Variants in IRAG1 observed in about 807,000 individuals in gnomAD.
IRAG1 encodes the protein inositol 1,4,5-triphosphate receptor associated 1.
A neutral mutation model predicts 106.2 loss-of-function variants in IRAG1; 62 were observed. The ratio of observed to expected loss-of-function variants is 0.58; its 90% confidence interval spans 0.48 to 0.72. IRAG1 has a LOEUF of 0.72. IRAG1 is among the 30% of genes least tolerant of loss of function. IRAG1 has a pLI of 0.00. For missense variants in IRAG1, 1,064 were observed against 1,140.7 expected (o/e 0.93, Z 0.97); for synonymous variants, 462 against 443.9 (o/e 1.04, Z -0.51).
chr11:10,688,257 C>G (rs1861810050), intron 1 of IRAG1, among the ~76,000 whole-genome samples: 1 of 152,136 alleles, frequency 6.6e-6, no homozygotes, highest in Non-Finnish European at 1.5e-5. Flanking sequence ...CTCCAGGGTC[C>G]ACACTTTCCA....
intron 1 of IRAG1, among the ~76,000 whole-genome samples, chr11:10,688,151 A>G (rs952580610): frequency 4.0e-5 from 6 of 151,716 alleles, no homozygotes; most frequent in African/African-American, 1.5e-4. Context: ...TTGGTAAGGG[A>G]TACTGAACCC....
chr11:10,649,118 C>A (rs1473108038), intron 2 of IRAG1, among the ~76,000 whole-genome samples: 1 of 152,180 alleles, frequency 6.6e-6, no homozygotes, highest in Non-Finnish European at 1.5e-5. Context: ...GGTTCCAGCC[C>A]CCTGAAGGCT....
chr11:10,576,992 T>C (rs909689418), intron 20 of IRAG1, among the ~76,000 whole-genome samples: 5 of 152,232 alleles, frequency 3.3e-5, no homozygotes, highest in Admixed American at 2.0e-4. Context: ...CTAGCTGCAT[T>C]AATGATCAGT....
At chr11:10,587,142 A>G (rs1852101917) in intron 18 of IRAG1, among the ~76,000 whole-genome samples, 1 of 152,190 alleles carries the variant, frequency 6.6e-6, no homozygotes, top group Non-Finnish European at 1.5e-5. Context: ...GATTCATGAA[A>G]ATGAGGCTCA....
rs1853931927 is a variant in IRAG1, at chr11:10,600,950, T to C, written c.1985A>G (p.Asn662Ser). Residue 662 changes from asparagine to serine, a missense_variant, in exon 15 of 21, where the codon AAT becomes AGT. By Grantham distance (46) the Asn-to-Ser change is conservative. Transcript: ENST00000423302. ...GCCACAGCTGCGGCTTGAATTCTGA[T>C]TTGCAAGCTTTTTAAACTCCATGAG... ...AELMEFKKLA[N>S]QNSSRSCGPS... is the part of the protein sequence containing the mutation. 1 of 1,613,958 alleles carries C rather than the reference T, an allele frequency of 6.2e-7. No homozygotes were observed. The highest frequency in any genetic ancestry group is 8.5e-7 in the Non-Finnish European group (1 of 1,179,902).
intron 1 of IRAG1, among the ~76,000 whole-genome samples, chr11:10,661,933 T>A (rs764425450): frequency 4.6e-5 from 7 of 152,336 alleles, no homozygotes; most frequent in African/African-American, 9.6e-5. Context: ...TCAACCCAAC[T>A]AGAATTTGAA....
In IRAG1 at chr11:10,628,956, C is replaced by G. The variant is rs772568834; in HGVS notation, c.575-128G>C. On this transcript the variant is annotated intron_variant, in intron 5 of 20. Coordinates refer to ENST00000423302, the MANE Select transcript of IRAG1 (RefSeq NM_130385.4). This position sits in a 1 kb window ranked among gnomAD's most constrained non-coding sequence, Gnocchi z 4.1. ...GCCTTGCTGGGCTCAGGGGCTGATG[C>G]TGGACTGCAATATGATGCTCCTGTT... The G allele has an allele frequency of 9.6e-6, 8 of 837,660 alleles. No homozygotes were observed. The highest frequency in any genetic ancestry group is 1.3e-5 in the Non-Finnish European group (7 of 533,300). 51.9% of individuals were successfully genotyped at this position (837,660 alleles called of 1,614,324 possible).
intron 20 of IRAG1, 105 bp from the exon 21 acceptor site, chr11:10,576,680 A>G (rs1850844406): frequency 1.4e-6 from 2 of 1,438,602 alleles, no homozygotes; most frequent in Non-Finnish European, 9.6e-7. Flanking sequence ...GTCTTGAGCA[A>G]TAGTTCTCAA....
chr11:10,591,836 C>T (rs997521082), intron 17 of IRAG1, among the ~76,000 whole-genome samples: 2 of 152,178 alleles, frequency 1.3e-5, no homozygotes, highest in Admixed American at 1.3e-4. Flanking sequence ...TTTTCCTTCA[C>T]CTCTGCTAAG....
At chr11:10,600,895 G>T (rs770805180) in intron 15 of IRAG1, 23 bp downstream of exon 15, 45 of 1,613,408 alleles carry the variant, frequency 2.8e-5, no homozygotes, top group Non-Finnish European at 3.4e-5. Flanking sequence ...GGGCCAAGAT[G>T]GGGCAGGAGC....
intron 2 of IRAG1, among the ~76,000 whole-genome samples, chr11:10,641,951 C>A (rs1857547262): frequency 6.6e-6 from 1 of 152,128 alleles, no homozygotes; most frequent in African/African-American, 2.4e-5. Context: ...AGTTTTTGGT[C>A]TCACCTCCCC....
chr11:10,691,856 T>C lies in IRAG1; in HGVS notation c.67+1680A>G, dbSNP rs1862081915. Reference sequence around the variant, plus strand: ...TCAAGAGCAGAGCCTCCAGAGACCATGGCCTGGGGCTGAGCATCAGCTGTG... The same window carrying C: ...TCAAGAGCAGAGCCTCCAGAGACCACGGCCTGGGGCTGAGCATCAGCTGTG... On this transcript the variant is annotated intron_variant, in intron 1 of 20. Coordinates refer to ENST00000423302, the MANE Select transcript of IRAG1 (RefSeq NM_130385.4). Among the ~76,000 whole-genome samples, 2 of 152,086 alleles carry C rather than the reference T, an allele frequency of 1.3e-5. 1 individual carries two copies. The highest frequency in any genetic ancestry group is 4.1e-4 in the South Asian group (2 of 4,828).
At position 10,627,954 on chromosome 11, in the gene IRAG1, AGGTGGGGG is replaced by A. The variant is rs1856382590; in HGVS notation, c.705+11_705+18del. The A allele has an allele frequency of 6.3e-7, 1 of 1,598,336 alleles. No individual in the cohort carries two copies. The highest frequency in any genetic ancestry group is 8.5e-7 in the Non-Finnish European group (1 of 1,170,380). ...CCCATTGGCATAGAAACAGCACAGC[AGGTGGGGG>A]GTCCTGTCACCTGTGGTGGTGCTCC... On this transcript the variant is annotated intron_variant, in intron 7 of 20. Transcript: ENST00000423302.
rs2134225159 is a variant in IRAG1 at position 10,593,542 on chromosome 11, G to A, written c.2125C>T (p.Leu709=). The A allele has an allele frequency of 6.2e-7, 1 of 1,613,866 alleles. No individual in the cohort carries two copies. Residue 709 remains leucine, a synonymous_variant, in exon 17 of 21, where the codon CTG becomes TTG. Coordinates refer to ENST00000423302, the MANE Select transcript of IRAG1 (RefSeq NM_130385.4). ...GATGAGCTGGGAGTTTGGCCAGGCA[G>A]ATTCAGGGCATTAAACTTAGGAACC... ...AVVPKFNALN[L]PGQTPSSSSI...
At chr11:10,683,051 T>C (rs1196057609) in intron 1 of IRAG1, among the ~76,000 whole-genome samples, 1 of 152,144 alleles carries the variant, frequency 6.6e-6, no homozygotes, top group Non-Finnish European at 1.5e-5. Context: ...AGGAAGGAAA[T>C]TTAAAATAAA....
intron 10 of IRAG1, among the ~76,000 whole-genome samples, chr11:10,622,248 T>C (rs569973681): frequency 6.6e-6 from 1 of 152,118 alleles, no homozygotes; most frequent in African/African-American, 2.4e-5. Context: ...AAGGAACAGG[T>C]ACCATATGAC....
chr11:10,619,415 G>A (rs901240923), intron 10 of IRAG1, among the ~76,000 whole-genome samples: 3 of 152,212 alleles, frequency 2.0e-5, no homozygotes, highest in Non-Finnish European at 4.4e-5. Flanking sequence ...TACAATCTGA[G>A]CCAGCTCTCA....
At position 10,593,541 on chromosome 11, in the gene IRAG1, A is replaced by C; in HGVS notation, c.2126T>G (p.Leu709Arg). 6.2e-7 allele frequency: 1 copy of C among 1,613,872 alleles called. No individual in the cohort carries two copies. The highest frequency in any genetic ancestry group is 8.5e-7 in the Non-Finnish European group (1 of 1,179,782). ...AVVPKFNALN[L>R]PGQTPSSSSI... The stretch of plus-strand genomic sequence containing the variant: ...TGATGAGCTGGGAGTTTGGCCAGGC[A>C]GATTCAGGGCATTAAACTTAGGAAC... Residue 709 changes from leucine (L) to arginine (R), a missense_variant, in exon 17 of 21, where the codon CTG (leucine) becomes CGG (arginine). By Grantham distance (102) the Leu-to-Arg change is moderately radical. Transcript: ENST00000423302.
At chr11:10,646,412 C>T (rs12275426) in intron 2 of IRAG1, among the ~76,000 whole-genome samples, 6,390 of 152,204 alleles carry the variant, frequency 0.042, 470 homozygotes, top group African/African-American at 0.15. Context: ...CCCTTTAGTG[C>T]AGTCATTTAA....
Sources: gnomAD v4.1 joint callset for allele counts (sites outside exome capture counted in the v4.1 genomes callset) on GRCh38, gnomAD v4.1.1 for gene constraint, Gnocchi (gnomAD v3.1) non-coding constraint, MANE v1.5 for transcripts, NCBI Gene and HGNC (gene_info 2026-07-23, HGNC 2026-07-21) for gene names.